Variants in TAFA1 observed in about 807,000 individuals in gnomAD.
The protein encoded by TAFA1 is TAFA chemokine like family member 1.
A neutral mutation model predicts 18.5 loss-of-function variants in TAFA1; 4 were observed. The ratio of observed to expected loss-of-function variants is 0.22; its 90% CI spans 0.11 to 0.49. The LOEUF (loss-of-function observed/expected upper bound fraction) is 0.49. Ranked by LOEUF, TAFA1 falls within the 20% of genes least tolerant of loss-of-function variation. The pLI is 0.98. For synonymous variants in TAFA1, 56 were observed against 55.2 expected, an observed-to-expected ratio of 1.01 and a Z score of -0.06; for missense variants, 147 against 169.0, an observed-to-expected ratio of 0.87 and a Z score of 0.72.
At chr3:68,480,384 CAG>C (rs1441292526) in intron 3 of TAFA1, among the ~76,000 whole-genome samples, 1 of 151,258 alleles carries the variant, frequency 6.6e-6, no homozygotes, top group Non-Finnish European at 1.5e-5. Flanking sequence ...GCCTGGGTGA[CAG>C]AGCGAGACTT....
intron 3 of TAFA1, among the ~76,000 whole-genome samples, chr3:68,454,824 G>T (rs1250420784): frequency 6.6e-6 from 1 of 152,132 alleles, no homozygotes; most frequent in African/African-American, 2.4e-5. Context: ...GGCTAGGGTG[G>T]CATCCAGGAA....
chr3:68,262,349 A>ATATATATT lies in TAFA1; in HGVS notation c.119-154924_119-154923insTTATATAT, dbSNP rs1553662625. On this transcript the variant is annotated intron_variant, in intron 2 of 4. Coordinates refer to ENST00000478136, the MANE Select transcript of TAFA1 (RefSeq NM_213609.4). ...TATATATATATATATATATATATAT[A>ATATATATT]TATATATATTTCATGGGTATATTGA... is the stretch of plus-strand genomic sequence containing the variant. Among the ~76,000 whole-genome samples the ATATATATT allele has an allele frequency of 3.2e-3, 250 of 78,730 alleles. 10 individuals carry two copies. The highest frequency in any genetic ancestry group is 4.0e-3 in the Non-Finnish European group (163 of 40,866). The allele number at this position is 78,730 out of a possible 152,430, so 51.6% of individuals were successfully genotyped here. A position where few individuals can be genotyped will look rare whatever the true frequency, so the allele number is the denominator to read the frequency against.
intron 2 of TAFA1, among the ~76,000 whole-genome samples, chr3:68,125,145 G>T (rs987814904): frequency 2.0e-5 from 3 of 152,188 alleles, no homozygotes; most frequent in African/African-American, 7.2e-5. Context: ...GAGTTCATAG[G>T]TTTGAATCTT....
At chr3:68,159,149 T>G (rs549424685) in intron 2 of TAFA1, among the ~76,000 whole-genome samples, 1 of 152,328 alleles carries the variant, frequency 6.6e-6, no homozygotes, top group African/African-American at 2.4e-5. Flanking sequence ...GCCATGTGAC[T>G]TGAAAGAACA....
At chr3:68,306,613 C>T (rs138327611) in intron 2 of TAFA1, among the ~76,000 whole-genome samples, 1 of 152,172 alleles carries the variant, frequency 6.6e-6, no homozygotes, top group African/African-American at 2.4e-5. Context: ...TCCGCCTCCA[C>T]CTCCTGGATG....
chr3:68,175,485 G>A (rs1230312001), intron 2 of TAFA1, among the ~76,000 whole-genome samples: 1 of 152,212 alleles, frequency 6.6e-6, no homozygotes, highest in Non-Finnish European at 1.5e-5. Context: ...TGACCTGCAT[G>A]TGAGACATGG....
chr3:68,353,884 T>A (rs950721427), intron 2 of TAFA1, among the ~76,000 whole-genome samples: 1 of 152,148 alleles, frequency 6.6e-6, no homozygotes, highest in Middle Eastern at 3.4e-3. Context: ...GTCTGAGCAG[T>A]ACAAAATGGA....
intron 2 of TAFA1, among the ~76,000 whole-genome samples, chr3:68,361,262 T>G (rs2069461248): frequency 6.6e-6 from 1 of 152,082 alleles, no homozygotes; most frequent in African/African-American, 2.4e-5. Context: ...ATGCCATATG[T>G]TCTCACTCAC....
At position 68,467,743 on chromosome 3, in the gene TAFA1, A is replaced by C. The variant is rs182707452; in HGVS notation, c.259+50323A>C. ...CCTAGGAGATGCTAGAGGATGGGGA[A>C]CCTGGTTTCAAGGGTGAGCAGATTT... is the stretch of plus-strand genomic sequence containing the variant. On this transcript the variant is annotated intron_variant, in intron 3 of 4. Transcript: ENST00000478136. Among the ~76,000 whole-genome samples the C allele has an allele frequency of 2.7e-5, 4 of 149,842 alleles. No individual in the cohort carries two copies. In the East Asian group the frequency reaches 7.9e-4, roughly 29 times the overall value.
At chr3:68,056,421 C>G (rs933682898) in intron 2 of TAFA1, among the ~76,000 whole-genome samples, 1 of 152,198 alleles carries the variant, frequency 6.6e-6, no homozygotes, top group Non-Finnish European at 1.5e-5. Flanking sequence ...CAGGAACACC[C>G]TCTGTCCTTA....
At chr3:68,475,871 A>G (rs923955780) in intron 3 of TAFA1, among the ~76,000 whole-genome samples, 15 of 152,138 alleles carry the variant, frequency 9.9e-5, no homozygotes, top group African/African-American at 2.7e-4. Context: ...GTGAGATGGT[A>G]TCTCATTGTG....
intron 2 of TAFA1, among the ~76,000 whole-genome samples, chr3:68,184,544 C>T (rs1320511163): frequency 6.6e-6 from 1 of 152,066 alleles, no homozygotes; most frequent in African/African-American, 2.4e-5. Context: ...CCCCTGAAAA[C>T]AGTCTGAAAT....
chr3:68,138,810 T>C (rs951347281), intron 2 of TAFA1, among the ~76,000 whole-genome samples: 2 of 152,178 alleles, frequency 1.3e-5, no homozygotes, highest in Non-Finnish European at 2.9e-5. Flanking sequence ...TTGCTACTCT[T>C]GATAGTTGGT....
At chr3:68,471,398 T>C (rs1388389956) in intron 3 of TAFA1, among the ~76,000 whole-genome samples, 3 of 152,232 alleles carry the variant, frequency 2.0e-5, no homozygotes, top group East Asian at 1.9e-4. Flanking sequence ...ACTTGCACCA[T>C]GCACCTAGAA....
intron 2 of TAFA1, among the ~76,000 whole-genome samples, chr3:68,385,715 A>G (rs2070085277): frequency 6.6e-6 from 1 of 151,870 alleles, no homozygotes; most frequent in East Asian, 1.9e-4. Flanking sequence ...GCCAAACTCT[A>G]CTTGCCTCCT....
At chr3:68,075,649 G>A (rs569547251) in intron 2 of TAFA1, among the ~76,000 whole-genome samples, 3 of 150,940 alleles carry the variant, frequency 2.0e-5, no homozygotes, top group African/African-American at 7.3e-5. Context: ...AATGTCAAAT[G>A]TCAACACTAC....
intron 2 of TAFA1, among the ~76,000 whole-genome samples, chr3:68,141,271 A>C (rs1385174318): frequency 2.0e-5 from 3 of 152,198 alleles, no homozygotes; most frequent in African/African-American, 4.8e-5. Context: ...TAAGGTGGAC[A>C]CTTCTTTAAT....
At chr3:68,279,609 T>C (rs73836841) in intron 2 of TAFA1, among the ~76,000 whole-genome samples, 4,680 of 152,232 alleles carry the variant, frequency 0.031, 127 homozygotes, top group South Asian at 0.1. Flanking sequence ...CCTCTCCTTC[T>C]CGGTATCCTC....
intron 2 of TAFA1, among the ~76,000 whole-genome samples, chr3:68,321,803 C>T (rs2068700628): frequency 6.6e-6 from 1 of 152,176 alleles, no homozygotes; most frequent in Non-Finnish European, 1.5e-5. Flanking sequence ...ATGAAAACCA[C>T]AGGAGGACAA....
Sources: allele counts gnomAD v4.1 joint callset (sites outside exome capture counted in the v4.1 genomes callset), GRCh38; gene constraint gnomAD v4.1.1; transcripts MANE v1.5; gene names NCBI Gene and HGNC (gene_info 2026-07-23, HGNC 2026-07-21).